AMZ1: variants seen among roughly 807,000 people sequenced by gnomAD.
AMZ1 encodes archaemetzincin-1.
A neutral mutation model predicts 29.9 loss-of-function variants in AMZ1; 39 were observed. The ratio of observed to expected loss-of-function variants is 1.30; its 90% CI spans 1.01 to 1.70. The LOEUF is 1.70. Ranked by LOEUF, AMZ1 falls within the 40% of genes most tolerant of loss-of-function variation. AMZ1 has a pLI of 0.00. For synonymous variants in AMZ1, 458 were observed against 304.0 expected (o/e 1.51, Z -5.27); for missense variants, 1,041 against 680.6 (o/e 1.53, Z -5.89).
In AMZ1 at chr7:2,703,301, C is replaced by T. The variant is rs573791665; in HGVS notation, c.472+412C>T. Among the ~76,000 whole-genome samples, 299 of 152,236 alleles carry T rather than the reference C, an allele frequency of 2.0e-3. 3 individuals carry two copies. Among genetic ancestry groups the T allele is most frequent in the African/African-American group, 6.8e-3 (283 of 41,554 alleles). Reference sequence around the variant, plus strand: ...TGGGACTAAAAGCGCCCACCACACCCGGCTAATTTTTGTATTTTTAGTTGA... The same window carrying T: ...TGGGACTAAAAGCGCCCACCACACCTGGCTAATTTTTGTATTTTTAGTTGA... On this transcript the variant is annotated intron_variant, in intron 3 of 6. Coordinates refer to ENST00000683327, the MANE Select transcript of AMZ1 (RefSeq NM_001384743.1).
At chr7:2,688,010 C>A (rs201602156), upstream of AMZ1, among the ~76,000 whole-genome samples, 33 of 114,590 alleles carry the variant, frequency 2.9e-4, no homozygotes, top group African/African-American at 1.2e-3. Context: ...GCTCTGGGGC[C>A]CCCCTGCCCG....
intron 1 of AMZ1, among the ~76,000 whole-genome samples, chr7:2,689,472 G>T (rs1324713928): frequency 6.6e-6 from 1 of 152,210 alleles, no homozygotes; most frequent in Non-Finnish European, 1.5e-5. Flanking sequence ...ATTAATAGCA[G>T]CAGGGCTGGA....
intron 4 of AMZ1, among the ~76,000 whole-genome samples, chr7:2,734,811 C>G (rs569970369): frequency 2.0e-5 from 3 of 152,196 alleles, no homozygotes; most frequent in African/African-American, 4.8e-5. Context: ...TGTGGCAGGA[C>G]GGGGCGAGCA....
intron 4 of AMZ1, among the ~76,000 whole-genome samples, chr7:2,737,955 TG>T (rs1259117881): frequency 6.6e-6 from 1 of 152,180 alleles, no homozygotes; most frequent in East Asian, 1.9e-4. Flanking sequence ...CTTTGCTCAG[TG>T]AACGCCTGTG....
chr7:2,738,339 G>C (rs541161259), intron 4 of AMZ1, among the ~76,000 whole-genome samples: 1 of 152,234 alleles, frequency 6.6e-6, no homozygotes, highest in African/African-American at 2.4e-5. Context: ...AAGTGACGCA[G>C]GCACAAGCTG....
intron 2 of AMZ1, among the ~76,000 whole-genome samples, chr7:2,701,449 T>C (rs749135199): frequency 5.9e-4 from 90 of 152,060 alleles, no homozygotes; most frequent in Non-Finnish European, 1.3e-3. Flanking sequence ...GGTGGGGGCT[T>C]GAGGGCCCAG....
chr7:2,708,861 T>C (rs1157790227), intron 4 of AMZ1, 145 bp downstream of exon 4: 1 of 1,371,352 alleles, frequency 7.3e-7, no homozygotes, highest in African/African-American at 1.4e-5. Flanking sequence ...AGATGGCCCC[T>C]TCCAGCTCCT....
intron 4 of AMZ1, among the ~76,000 whole-genome samples, chr7:2,736,864 C>T (rs928447086): frequency 2.0e-5 from 3 of 152,234 alleles, no homozygotes; most frequent in Admixed American, 6.5e-5. Context: ...GCTGGCCTCA[C>T]GCACTTCCTT....
intron 4 of AMZ1, among the ~76,000 whole-genome samples, chr7:2,726,152 T>C (rs798538): frequency 0.71 from 107,873 of 152,172 alleles, 38,601 homozygotes; most frequent in African/African-American, 0.73. Context: ...GAAATGGCAC[T>C]ACCAGATTTG....
In AMZ1 at chr7:2,726,252, C is replaced by T. The variant is rs74731094; in HGVS notation, n.550+16436C>T. Among the ~76,000 whole-genome samples, 151 of 152,318 alleles carry T rather than the reference C, an allele frequency of 9.9e-4. 2 individuals are homozygous for T. In the East Asian group the frequency reaches 0.027, roughly 27 times the overall value. ...GAAAACCCACCATCCCCGCAATTCT[C>T]GAGGCAGGTTGCTGGCCACAGTGAG... On this transcript the variant is annotated intron_variant and non_coding_transcript_variant, in intron 4 of 4. Coordinates refer to the AMZ1 transcript ENST00000489665.
At chr7:2,735,566 G>A (rs1204455003) in intron 4 of AMZ1, among the ~76,000 whole-genome samples, 1 of 152,198 alleles carries the variant, frequency 6.6e-6, no homozygotes, top group African/African-American at 2.4e-5. Flanking sequence ...TTCCCTCGGT[G>A]TGAGTCTAAA....
intron 4 of AMZ1, among the ~76,000 whole-genome samples, chr7:2,755,894 C>T (rs1281431840): frequency 1.3e-5 from 2 of 152,114 alleles, no homozygotes; most frequent in East Asian, 3.8e-4. Context: ...TTTATGCTCC[C>T]CAAATTGATC....
chr7:2,700,779 G>C (rs368867595), intron 2 of AMZ1, 24 bp downstream of exon 2: 491 of 1,604,978 alleles, frequency 3.1e-4, no homozygotes, highest in Middle Eastern at 9.1e-4. Context: ...GCAGCCATCG[G>C]CACGCTCCTG....
upstream of AMZ1, among the ~76,000 whole-genome samples, chr7:2,683,529 C>G (rs1447706399): frequency 6.6e-6 from 1 of 152,154 alleles, no homozygotes; most frequent in Non-Finnish European, 1.5e-5. Context: ...GCTCCGCCTC[C>G]CAGGTTCACA....
chr7:2,712,773 CAAGG>C lies in AMZ1; in HGVS notation c.1393_1396del (p.Lys465CysfsTer9). 6.3e-7 allele frequency: 1 copy of C among 1,589,990 alleles called. No individual in the cohort carries two copies. ...GCAGCAGGGACAGCGTGGGGCTGCG[CAAGG>C]TGCTGGGGGACAAGTTCTCCTCCCT... On this transcript the variant is annotated frameshift_variant, in exon 7 of 7. Coordinates refer to ENST00000683327, the MANE Select transcript of AMZ1 (RefSeq NM_001384743.1). LOFTEE classifies it low-confidence loss of function (END_TRUNC).
chr7:2,711,923 T>G (rs1471294820), intron 6 of AMZ1, among the ~76,000 whole-genome samples: 1 of 152,092 alleles, frequency 6.6e-6, no homozygotes, highest in East Asian at 1.9e-4. Flanking sequence ...CAGGAACCTG[T>G]AAAATCCCTG....
At chr7:2,737,447 C>G (rs973135763) in intron 4 of AMZ1, among the ~76,000 whole-genome samples, 1 of 152,076 alleles carries the variant, frequency 6.6e-6, no homozygotes, top group Non-Finnish European at 1.5e-5. Context: ...CACTACCACA[C>G]CCGGCTAACT....
In AMZ1 at chr7:2,754,471, G is replaced by A. The variant is rs886840617; in HGVS notation, n.551-10241G>A. ...TACTAAGAGGATCTGGGCAGGGCAC[G>A]GTGGCTCACCCCTGTAATCCCAGCA... On this transcript the variant is annotated intron_variant and non_coding_transcript_variant, in intron 4 of 4. Coordinates refer to the AMZ1 transcript ENST00000489665. Among the ~76,000 whole-genome samples, 30 of 151,984 alleles carry A rather than the reference G, an allele frequency of 2.0e-4. 1 individual carries two copies. Among genetic ancestry groups the A allele is most frequent in the Admixed American group, 8.5e-4 (13 of 15,254 alleles).
In AMZ1 at chr7:2,709,684, C is replaced by A. The variant is rs112528598; in HGVS notation, c.816C>A (p.Cys272Ter). Residue 272 changes from cysteine to a stop codon, truncating the protein, a stop_gained, in exon 6 of 7, where the codon TGC becomes TGA. Transcript: ENST00000683327. LOFTEE classifies it high-confidence loss of function. ...ELCHLLGLGNCRWLRCLMQGA... is the reference protein window; with the variant it reads ...ELCHLLGLGN Reference sequence around the variant, plus strand: ...GCCACCTTCTGGGCCTGGGGAACTGCCGCTGGCTCCGCTGCCTCATGCAGG... The same window carrying A: ...GCCACCTTCTGGGCCTGGGGAACTGACGCTGGCTCCGCTGCCTCATGCAGG... 6.2e-7 allele frequency: 1 copy of A among 1,610,646 alleles called. No homozygotes were observed. Among genetic ancestry groups the A allele is most frequent in the Non-Finnish European group, 8.5e-7 (1 of 1,179,712 alleles).
Sources: gnomAD v4.1 joint callset for allele counts (sites outside exome capture counted in the v4.1 genomes callset) on GRCh38, gnomAD v4.1.1 for gene constraint, MANE v1.5 for transcripts, NCBI Gene and HGNC (gene_info 2026-07-23, HGNC 2026-07-21) for gene names.